Variants in ZNF804A observed in about 807,000 individuals in gnomAD.
ZNF804A encodes zinc finger protein 804A.
A neutral mutation model predicts 16.5 loss-of-function variants in ZNF804A; 2 were observed. That is an observed-to-expected ratio of 0.12 (90% CI 0.05 to 0.38). ZNF804A has a LOEUF of 0.38. ZNF804A is among the 10% of genes least tolerant of loss of function. The pLI is 0.99. For missense variants in ZNF804A, 1,473 were observed against 1,390.7 expected (o/e 1.06, Z -0.94); for synonymous variants, 534 against 489.6 (o/e 1.09, Z -1.20).
intron 1 of ZNF804A, among the ~76,000 whole-genome samples, chr2:184,795,232 C>G (rs1243029725): frequency 3.3e-5 from 5 of 152,088 alleles, no homozygotes; most frequent in Non-Finnish European, 5.9e-5. Context: ...TCCCAGACGA[C>G]AGTGGAATAA....
intron 1 of ZNF804A, among the ~76,000 whole-genome samples, chr2:184,763,354 C>G (rs1023643839): frequency 1.3e-5 from 2 of 152,082 alleles, no homozygotes; most frequent in African/African-American, 4.8e-5. Context: ...GATTCGTAGA[C>G]AGCCATATGA....
At chr2:184,606,653 T>A (rs1207415312) in intron 1 of ZNF804A, among the ~76,000 whole-genome samples, 1 of 152,218 alleles carries the variant, frequency 6.6e-6, no homozygotes, top group East Asian at 1.9e-4. Flanking sequence ...TTTGGCCTGA[T>A]AACCAGCTGA....
At chr2:184,702,910 G>T (rs933614887) in intron 1 of ZNF804A, among the ~76,000 whole-genome samples, 2 of 152,006 alleles carry the variant, frequency 1.3e-5, no homozygotes, top group African/African-American at 4.8e-5. Flanking sequence ...TTCTCATTTT[G>T]TCAGCCAATT....
intron 2 of ZNF804A, among the ~76,000 whole-genome samples, chr2:184,885,695 T>C (rs771699460): frequency 6.6e-5 from 10 of 152,102 alleles, no homozygotes; most frequent in Admixed American, 3.9e-4. Flanking sequence ...AGGTGCTACT[T>C]ACATGGCGGC....
At chr2:184,626,883 A>G (rs1248264408) in intron 1 of ZNF804A, among the ~76,000 whole-genome samples, 1 of 152,218 alleles carries the variant, frequency 6.6e-6, no homozygotes, top group Non-Finnish European at 1.5e-5. Context: ...AAGACATTCA[A>G]ACCATGTGGA....
At chr2:184,892,483 C>CTTTTTTTTTTTTTT (rs869292193) in intron 2 of ZNF804A, among the ~76,000 whole-genome samples, 2 of 105,708 alleles carry the variant, frequency 1.9e-5, no homozygotes, top group African/African-American at 3.3e-5. Context: ...TTGTTGTGTT[C>CTTTTTTTTTTTTTT]TTTTTTTTTT....
intron 1 of ZNF804A, among the ~76,000 whole-genome samples, chr2:184,838,123 G>C (rs1438522244): frequency 6.6e-6 from 1 of 152,072 alleles, no homozygotes; most frequent in South Asian, 2.1e-4. Context: ...TAGCAGGTTG[G>C]AGTTTAAGAC....
chr2:184,798,227 T>C (rs1376012264), intron 1 of ZNF804A, among the ~76,000 whole-genome samples: 1 of 152,080 alleles, frequency 6.6e-6, no homozygotes, highest in African/African-American at 2.4e-5. Context: ...GGTAATGATA[T>C]TTTTGCAATG....
At chr2:184,758,854 A>C (rs1391591843) in intron 1 of ZNF804A, among the ~76,000 whole-genome samples, 2 of 151,974 alleles carry the variant, frequency 1.3e-5, no homozygotes, top group Non-Finnish European at 2.9e-5. Context: ...TAAATTTCAC[A>C]AAGTTAAAAA....
At chr2:184,744,444 A>T (rs1010853135) in intron 1 of ZNF804A, among the ~76,000 whole-genome samples, 3 of 151,830 alleles carry the variant, frequency 2.0e-5, no homozygotes, top group Non-Finnish European at 4.4e-5. Flanking sequence ...CATGAACAGG[A>T]TTAGTGCCCT....
chr2:184,766,629 CAAA>C (rs1232594654), intron 1 of ZNF804A, among the ~76,000 whole-genome samples: 6 of 97,848 alleles, frequency 6.1e-5, no homozygotes, highest in East Asian at 6.1e-4. Flanking sequence ...GGTGGTTGCT[CAAA>C]AAAAAAAAAA....
rs529588384 is a variant in ZNF804A, at chr2:184,906,368, G to A, written c.256-27235G>A. Among the ~76,000 whole-genome samples the A allele has an allele frequency of 8.0e-4, 121 of 152,166 alleles. No homozygotes were observed. The Middle Eastern group carries it at 0.01, about 13-fold the overall frequency. ...GGATGGAGTGCAGTGATGCAATCAC[G>A]GCTCACAGTACCCGCAACCTTCCAG... On this transcript the variant is annotated intron_variant, in intron 2 of 3. Transcript: ENST00000302277.
chr2:184,787,807 G>T (rs1192069169), intron 1 of ZNF804A, among the ~76,000 whole-genome samples: 1 of 146,606 alleles, frequency 6.8e-6, no homozygotes, highest in Non-Finnish European at 1.5e-5. Flanking sequence ...TAGGTTGTCT[G>T]TTTATTATTT....
chr2:184,741,875 T>C (rs891391803), intron 1 of ZNF804A, among the ~76,000 whole-genome samples: 2 of 152,132 alleles, frequency 1.3e-5, no homozygotes, highest in African/African-American at 4.8e-5. Flanking sequence ...TCTGTTTCAG[T>C]GTACAAGTAA....
chr2:184,893,119 T>C (rs975619745), intron 2 of ZNF804A, among the ~76,000 whole-genome samples: 1 of 152,116 alleles, frequency 6.6e-6, no homozygotes, highest in Non-Finnish European at 1.5e-5. Flanking sequence ...TTCAATTTAA[T>C]ATATAAAACA....
intron 1 of ZNF804A, among the ~76,000 whole-genome samples, chr2:184,632,053 G>A (rs867050255): frequency 6.6e-6 from 1 of 151,984 alleles, no homozygotes; most frequent in Admixed American, 6.6e-5. Context: ...AAGTAATAAC[G>A]GAATGTCAGA....
intron 1 of ZNF804A, among the ~76,000 whole-genome samples, chr2:184,838,203 G>A (rs1413481471): frequency 2.6e-5 from 4 of 151,994 alleles, no homozygotes; most frequent in Non-Finnish European, 4.4e-5. Context: ...GGGCAATCAT[G>A]GATTGTGTTC....
intron 2 of ZNF804A, among the ~76,000 whole-genome samples, chr2:184,866,864 A>G (rs114523990): frequency 0.05 from 7,539 of 150,484 alleles, 248 homozygotes; most frequent in Non-Finnish European, 0.075. Flanking sequence ...TATGCATTAT[A>G]TTATATATTT....
At chr2:184,672,747 C>CTTTTCT (rs138512657) in intron 1 of ZNF804A, among the ~76,000 whole-genome samples, 2 of 149,150 alleles carry the variant, frequency 1.3e-5, no homozygotes, top group African/African-American at 2.5e-5. Flanking sequence ...CTTTTTTTTT[C>CTTTTCT]TTTTCTTTTT....
Sources: gnomAD v4.1 joint callset for allele counts (sites outside exome capture counted in the v4.1 genomes callset) on GRCh38, gnomAD v4.1.1 for gene constraint, MANE v1.5 for transcripts, NCBI Gene and HGNC (gene_info 2026-07-23, HGNC 2026-07-21) for gene names.